KIF6: variants seen among roughly 807,000 people sequenced by gnomAD.
KIF6 encodes the protein kinesin-like protein KIF6.
In KIF6, 106 loss-of-function variants were observed where a neutral mutation model predicts 112.7. The ratio of observed to expected loss-of-function variants is 0.94; its 90% CI spans 0.80 to 1.11. The LOEUF (loss-of-function observed/expected upper bound fraction) is 1.11. Among genes scored for constraint, KIF6 ranks in the 50% least tolerant of loss-of-function variants. The pLI is 0.00. For synonymous variants in KIF6, 339 were observed against 339.9 expected (o/e 1.00, Z 0.03); for missense variants, 929 against 964.0 (o/e 0.96, Z 0.48).
chr6:39,412,362 G>A (rs191327570), intron 15 of KIF6, among the ~76,000 whole-genome samples: 8 of 152,092 alleles, frequency 5.3e-5, no homozygotes, highest in Admixed American at 2.0e-4. Flanking sequence ...TGCTCTTTTC[G>A]TCTCTAGATA....
chr6:39,460,666 T>C (rs183036329), intron 13 of KIF6, among the ~76,000 whole-genome samples: 5 of 149,210 alleles, frequency 3.4e-5, no homozygotes, highest in Admixed American at 6.7e-5. Flanking sequence ...AAGAACATAA[T>C]AGTACTTTTA....
At position 39,725,270 on chromosome 6, in the gene KIF6, G is replaced by A. The variant is rs779380650; in HGVS notation, c.41C>T (p.Pro14Leu). 1 of 1,610,376 alleles carries A rather than the reference G, an allele frequency of 6.2e-7. No homozygotes were observed. ...QTIQIFARVK[P>L]PVRKHQQGIY... ...CCCTTGTTGGTGCTTCCGGACAGGG[G>A]GCTTCACCCTCGCGAATATCTGGAT... The change falls in exon 1 of 23, where the codon CCC (proline) becomes CTC (leucine). Residue 14 changes from proline (P) to leucine (L), a missense_variant. Pro to Leu is a moderately conservative substitution (Grantham distance 98). This residue lies in a region of KIF6 where 688 missense variants were observed against 662.7 expected (regional missense o/e 1.04). Coordinates refer to ENST00000287152, the MANE Select transcript of KIF6 (RefSeq NM_145027.6).
Position 39,482,425 on chromosome 6 carries a change from C to T in KIF6, c.1646-51264G>A, listed in dbSNP as rs1319670126. Among the ~76,000 whole-genome samples, 5 of 152,104 alleles carry T rather than the reference C, an allele frequency of 3.3e-5. No homozygotes were observed. In the East Asian group the frequency reaches 9.6e-4, roughly 29 times the overall value. On this transcript the variant is annotated intron_variant, in intron 13 of 22. Transcript: ENST00000287152. ...ATATCTGTTCCCAGTCCCTTTAGGC[C>T]CTTGTCTGAGCCCTCTGGAGCAAGA...
intron 15 of KIF6, among the ~76,000 whole-genome samples, chr6:39,386,056 A>G (rs920432501): frequency 1.3e-5 from 2 of 152,250 alleles, no homozygotes; most frequent in Non-Finnish European, 2.9e-5. Flanking sequence ...TAAAATCCAC[A>G]TCTTTATTTA....
intron 5 of KIF6, among the ~76,000 whole-genome samples, chr6:39,626,372 C>G (rs888846890): frequency 3.3e-5 from 5 of 152,114 alleles, no homozygotes; most frequent in African/African-American, 7.2e-5. Flanking sequence ...CTAAAGAAAC[C>G]TAGAAACCAC....
intron 11 of KIF6, 26 bp downstream of exon 11, chr6:39,545,557 T>C: frequency 6.5e-7 from 1 of 1,546,144 alleles, no homozygotes. Context: ...GAAAATGGCT[T>C]CTATTGGGGA....
chr6:39,594,094 C>T (rs1460980115), intron 7 of KIF6, among the ~76,000 whole-genome samples: 1 of 151,832 alleles, frequency 6.6e-6, no homozygotes, highest in East Asian at 1.9e-4. Flanking sequence ...AATCCAATGC[C>T]ACATAGCCCC....
At chr6:39,527,009 C>T (rs1777776930) in intron 13 of KIF6, among the ~76,000 whole-genome samples, 1 of 152,174 alleles carries the variant, frequency 6.6e-6, no homozygotes, top group Non-Finnish European at 1.5e-5. Context: ...TGAGTTTTAC[C>T]TCTATCAAAT....
chr6:39,603,602 G>C (rs1426024731), intron 6 of KIF6, among the ~76,000 whole-genome samples: 1 of 151,252 alleles, frequency 6.6e-6, no homozygotes, highest in Non-Finnish European at 1.5e-5. Context: ...TCTGATTTGG[G>C]GGCAAAAAAG....
At chr6:39,497,834 A>T (rs1308996404) in intron 13 of KIF6, among the ~76,000 whole-genome samples, 11 of 152,160 alleles carry the variant, frequency 7.2e-5, no homozygotes, top group Non-Finnish European at 1.5e-5. Context: ...GTTCCACTTC[A>T]TGTTTCTGTA....
At chr6:39,569,335 C>T (rs1780518038) in intron 10 of KIF6, among the ~76,000 whole-genome samples, 1 of 152,042 alleles carries the variant, frequency 6.6e-6, no homozygotes, top group Admixed American at 6.6e-5. Context: ...TTGTTTGTTT[C>T]ATTTGATTTT....
intron 13 of KIF6, among the ~76,000 whole-genome samples, chr6:39,490,825 C>CA (rs951758108): frequency 3.3e-5 from 5 of 151,528 alleles, no homozygotes; most frequent in African/African-American, 7.3e-5. Flanking sequence ...TGACAATGTT[C>CA]AAAAAAAACC....
intron 13 of KIF6, among the ~76,000 whole-genome samples, chr6:39,442,030 A>G (rs1165872673): frequency 6.6e-6 from 1 of 152,184 alleles, no homozygotes; most frequent in Non-Finnish European, 1.5e-5. Flanking sequence ...CAATGGTGGC[A>G]CCACATCTAA....
At chr6:39,360,372 C>T (rs1358932594) in intron 18 of KIF6, 23 bp downstream of exon 18, 1 of 1,613,634 alleles carries the variant, frequency 6.2e-7, no homozygotes, top group South Asian at 1.1e-5. Context: ...TCCCCAGCTT[C>T]CCTGATGTTC....
At chr6:39,515,090 T>C (rs1776996929) in intron 13 of KIF6, among the ~76,000 whole-genome samples, 1 of 152,226 alleles carries the variant, frequency 6.6e-6, no homozygotes, top group Non-Finnish European at 1.5e-5. Context: ...ATAATGCACA[T>C]TAAATTCATG....
intron 16 of KIF6, among the ~76,000 whole-genome samples, chr6:39,379,310 T>C (rs945698487): frequency 6.6e-6 from 1 of 152,180 alleles, no homozygotes; most frequent in Admixed American, 6.5e-5. Context: ...AATGGGCTTA[T>C]TTTATTTTAT....
At chr6:39,584,254 T>C (rs1255519667) in intron 9 of KIF6, among the ~76,000 whole-genome samples, 3 of 151,128 alleles carry the variant, frequency 2.0e-5, no homozygotes, top group East Asian at 2.0e-4. Context: ...AAACCCCGTC[T>C]CTACTAAAAT....
At chr6:39,607,583 CTTATTTATTTAT>C (rs150368183) in intron 6 of KIF6, among the ~76,000 whole-genome samples, 1 of 151,386 alleles carries the variant, frequency 6.6e-6, no homozygotes, top group Non-Finnish European at 1.5e-5. Context: ...AAATGCTATT[CTTATTTATTTAT>C]TTATTTATTT....
Position 39,540,097 on chromosome 6 carries a change from T to C in KIF6, c.1551A>G (p.Glu517=). Residue 517 remains glutamate (E), a synonymous_variant, in exon 13 of 23, where the codon GAA becomes GAG. Transcript: ENST00000287152. ...AGGATAGTCGCATTCTTTGACCTTC[T>C]TCTGGGTTTCCTAGGCGGAAGGGTG... ...QSPPFRLGNP[E]EGQRMRLSSA... is the part of the protein sequence containing the mutation. 1 of 1,614,144 alleles carries C rather than the reference T, an allele frequency of 6.2e-7. No individual in the cohort carries two copies. Among genetic ancestry groups the C allele is most frequent in the Non-Finnish European group, 8.5e-7 (1 of 1,179,990 alleles).
Sources: gnomAD v4.1 joint callset for allele counts (sites outside exome capture counted in the v4.1 genomes callset) on GRCh38, gnomAD v4.1.1 for gene constraint, gnomAD v4.1.1 regional missense constraint, MANE v1.5 for transcripts, NCBI Gene and HGNC (gene_info 2026-07-23, HGNC 2026-07-21) for gene names.